The following ADGRL2 variants were observed in gnomAD, a reference collection of about 807,000 sequenced individuals.
ADGRL2 encodes the protein adhesion G protein-coupled receptor L2.
A neutral mutation model predicts 157.4 loss-of-function variants in ADGRL2; 44 were observed. The ratio of observed to expected loss-of-function variants is 0.28; its 90% CI spans 0.22 to 0.36. The LOEUF is 0.36. Ranked by LOEUF, ADGRL2 falls within the 10% of genes least tolerant of loss-of-function variation. The pLI, the probability that ADGRL2 is intolerant of heterozygous loss-of-function variation, is 1.00. For synonymous variants in ADGRL2, 585 were observed against 624.7 expected, an observed-to-expected ratio of 0.94 and a Z score of 0.95; for missense variants, 1,510 against 1,768.9, an observed-to-expected ratio of 0.85 and a Z score of 2.63.
chr1:81,385,086 G>T (rs1016310606), intron 1 of ADGRL2, among the ~76,000 whole-genome samples: 1 of 152,020 alleles, frequency 6.6e-6, no homozygotes, highest in Non-Finnish European at 1.5e-5. Context: ...TATAAAAAGG[G>T]GACATAGTAT....
intron 1 of ADGRL2, among the ~76,000 whole-genome samples, chr1:81,371,303 C>G (rs535603988): frequency 6.6e-6 from 1 of 152,064 alleles, no homozygotes; most frequent in South Asian, 2.1e-4. Flanking sequence ...TTTTAAATAC[C>G]AAGTAAGGTT....
intron 2 of ADGRL2, among the ~76,000 whole-genome samples, chr1:81,867,365 C>G (rs2093570751): frequency 6.6e-6 from 1 of 152,160 alleles, no homozygotes; most frequent in South Asian, 2.1e-4. Flanking sequence ...TCTATAAAAA[C>G]GAACCAAACT....
intron 3 of ADGRL2, among the ~76,000 whole-genome samples, chr1:81,623,930 C>A (rs1242165859): frequency 6.6e-6 from 1 of 152,086 alleles, no homozygotes; most frequent in Non-Finnish European, 1.5e-5. Flanking sequence ...CCATCACACC[C>A]AGCTGATATC....
At chr1:81,629,406 C>T (rs2081968585) in intron 3 of ADGRL2, among the ~76,000 whole-genome samples, 1 of 151,848 alleles carries the variant, frequency 6.6e-6, no homozygotes, top group African/African-American at 2.4e-5. Context: ...CTAATGGTTA[C>T]AACTCTGAAG....
chr1:81,609,951 G>C (rs6663129), intron 3 of ADGRL2, among the ~76,000 whole-genome samples: 1 of 152,094 alleles, frequency 6.6e-6, no homozygotes, highest in Non-Finnish European at 1.5e-5. Context: ...TCTGACATTC[G>C]CTATGCTAAT....
At chr1:81,983,171 G>A (rs1190183822) in intron 19 of ADGRL2, among the ~76,000 whole-genome samples, 1 of 151,906 alleles carries the variant, frequency 6.6e-6, no homozygotes, top group Non-Finnish European at 1.5e-5. Flanking sequence ...ATAGTTATGT[G>A]TATTAAATGG....
intron 1 of ADGRL2, among the ~76,000 whole-genome samples, chr1:81,831,231 A>T (rs1044268195): frequency 1.3e-5 from 2 of 152,196 alleles, no homozygotes; most frequent in African/African-American, 2.4e-5. Context: ...CAACTTCTCT[A>T]GTAGTTTGGT....
Position 81,990,500 on chromosome 1 carries a change from G to T in ADGRL2, c.3765G>T (p.Val1255=), listed in dbSNP as rs1223775056. ...SLHKGDYNDS[V]QVVDCGLSLN... is the part of the protein sequence containing the mutation. ...ACAAGGGTGACTATAATGACAGCGT[G>T]CAAGTTGTGGACTGTGGACTAAGTC... Residue 1255 remains valine, a synonymous_variant, in exon 24 of 24, where the codon GTG becomes GTT. Transcript: ENST00000686636. 9.3e-6 allele frequency: 15 copies of T among 1,614,010 alleles called. No homozygotes were observed. The highest frequency in any genetic ancestry group is 1.3e-5 in the Non-Finnish European group (15 of 1,180,004).
intron 2 of ADGRL2, among the ~76,000 whole-genome samples, chr1:81,855,599 T>C (rs1170124892): frequency 1.3e-5 from 2 of 152,176 alleles, no homozygotes; most frequent in African/African-American, 4.8e-5. Context: ...CAGGAAGTTA[T>C]GATACATTTT....
chr1:81,825,657 CAAAAAAAAAA>C (rs71085375), intron 1 of ADGRL2, among the ~76,000 whole-genome samples: 2 of 86,754 alleles, frequency 2.3e-5, no homozygotes, highest in Non-Finnish European at 4.4e-5. Context: ...ACCCTGTCTC[CAAAAAAAAAA>C]AAAAAAAAAA....
At chr1:81,759,111 G>T (rs1295920189) in intron 1 of ADGRL2, among the ~76,000 whole-genome samples, 1 of 151,918 alleles carries the variant, frequency 6.6e-6, no homozygotes, top group Non-Finnish European at 1.5e-5. Flanking sequence ...ATCTTTTCCA[G>T]GTTTGATTAG....
chr1:81,476,964 G>C (rs2078285100), intron 2 of ADGRL2, among the ~76,000 whole-genome samples: 1 of 152,098 alleles, frequency 6.6e-6, no homozygotes, highest in South Asian at 2.1e-4. Context: ...TACTGGTTTT[G>C]CATTTCAGCT....
rs754124685 is a variant in ADGRL2 at position 81,955,935 on chromosome 1, A to G, written c.1892A>G (p.His631Arg). The G allele has an allele frequency of 6.2e-7, 1 of 1,608,102 alleles. No homozygotes were observed. ...CCCGAAGCTTTGGAATCATGGAAAC[A>G]TATGAATTCTTCTGAACAAGCACAT... Reference protein sequence around the residue: ...LRPEALESWKHMNSSEQAHTA... With the variant: ...LRPEALESWKRMNSSEQAHTA... The change falls in exon 11 of 24, where the codon CAT becomes CGT. Residue 631 changes from histidine (H) to arginine (R), a missense_variant. Physicochemically the swap from His to Arg is conservative, Grantham distance 29. This residue lies in a region of ADGRL2 where 325 missense variants were observed against 333.2 expected (regional missense o/e 0.98). Transcript: ENST00000686636.
At chr1:81,318,376 A>G (rs1660256476) in intron 1 of ADGRL2, among the ~76,000 whole-genome samples, 1 of 152,220 alleles carries the variant, frequency 6.6e-6, no homozygotes, top group African/African-American at 2.4e-5. Flanking sequence ...AAGGAAGTGA[A>G]GTCTAAAGTC....
At chr1:81,678,650 G>A (rs746856321) in intron 3 of ADGRL2, among the ~76,000 whole-genome samples, 10 of 152,160 alleles carry the variant, frequency 6.6e-5, no homozygotes, top group Non-Finnish European at 1.2e-4. Flanking sequence ...CAGCAAAGTG[G>A]CCTTTATGTA....
intron 1 of ADGRL2, among the ~76,000 whole-genome samples, chr1:81,377,893 G>A (rs557782600): frequency 3.7e-4 from 57 of 152,100 alleles, no homozygotes; most frequent in Admixed American, 2.1e-3. Flanking sequence ...TGAATACCAC[G>A]GGTGGTACCG....
At chr1:81,654,195 C>G (rs1331195839) in intron 3 of ADGRL2, among the ~76,000 whole-genome samples, 1 of 152,206 alleles carries the variant, frequency 6.6e-6, no homozygotes, top group Admixed American at 6.5e-5. Flanking sequence ...ATCCACCGAA[C>G]TTGGCCTCCC....
chr1:81,966,366 GT>G (rs1657041745), intron 12 of ADGRL2, 37 bp from the exon 13 acceptor site: 2 of 1,583,048 alleles, frequency 1.3e-6, no homozygotes, highest in South Asian at 1.1e-5. Flanking sequence ...TAACAAGCAT[GT>G]TTTTTGTACA....
intron 1 of ADGRL2, among the ~76,000 whole-genome samples, chr1:81,831,315 C>T (rs1165944182): frequency 6.6e-6 from 1 of 152,042 alleles, no homozygotes; most frequent in African/African-American, 2.4e-5. Flanking sequence ...ATTAGGATAG[C>T]TCAACTGGAA....
Sources: gnomAD v4.1 joint callset for allele counts (sites outside exome capture counted in the v4.1 genomes callset) on GRCh38, gnomAD v4.1.1 for gene constraint, gnomAD v4.1.1 regional missense constraint, MANE v1.5 for transcripts, NCBI Gene and HGNC (gene_info 2026-07-23, HGNC 2026-07-21) for gene names.